The following ZNF804B variants were observed in gnomAD, a reference collection of about 807,000 sequenced individuals.
The protein encoded by ZNF804B is zinc finger protein 804B.
ZNF804B carries 80 observed loss-of-function variants against 101.4 expected under a neutral mutation model. That is an observed-to-expected ratio of 0.79 (90% CI 0.66 to 0.95). The LOEUF is 0.95. Among genes scored for constraint, ZNF804B ranks in the 40% least tolerant of loss-of-function variants. The probability of loss-of-function intolerance (pLI) is 0.00; values close to 1 mark genes in which losing one functional copy is unlikely to be tolerated. For missense variants in ZNF804B, 1,673 were observed against 1,561.9 expected, an observed-to-expected ratio of 1.07 and a Z score of -1.20; for synonymous variants, 622 against 558.8, an observed-to-expected ratio of 1.11 and a Z score of -1.59.
intron 3 of ZNF804B, among the ~76,000 whole-genome samples, chr7:89,332,492 T>C (rs1344211685): frequency 2.0e-5 from 3 of 151,204 alleles, no homozygotes; most frequent in Non-Finnish European, 4.4e-5. Context: ...ATAAGAAAAA[T>C]GATGTGATTT....
At chr7:88,966,681 T>A (rs992384503) in intron 1 of ZNF804B, among the ~76,000 whole-genome samples, 1 of 151,332 alleles carries the variant, frequency 6.6e-6, no homozygotes, top group Admixed American at 6.6e-5. Context: ...TTTTCCTGTC[T>A]GTATGTGAAG....
intron 1 of ZNF804B, among the ~76,000 whole-genome samples, chr7:89,015,029 A>G (rs1788524308): frequency 6.6e-6 from 1 of 152,148 alleles, no homozygotes; most frequent in South Asian, 2.1e-4. Flanking sequence ...TTTTTTGCAT[A>G]AAGTAAGAAA....
intron 2 of ZNF804B, among the ~76,000 whole-genome samples, chr7:89,287,945 C>T (rs1345183805): frequency 8.2e-6 from 1 of 122,334 alleles, no homozygotes; most frequent in Non-Finnish European, 1.8e-5. Flanking sequence ...AAAAAAAAAA[C>T]CACATACCAC....
At chr7:88,767,523 A>G (rs1023210592) in intron 1 of ZNF804B, among the ~76,000 whole-genome samples, 1 of 152,250 alleles carries the variant, frequency 6.6e-6, no homozygotes, top group African/African-American at 2.4e-5. Flanking sequence ...AATAAATGCC[A>G]TATTCCAAAC....
chr7:88,867,199 G>C (rs1350273442), intron 1 of ZNF804B, among the ~76,000 whole-genome samples: 1 of 152,132 alleles, frequency 6.6e-6, no homozygotes, highest in Admixed American at 6.5e-5. Flanking sequence ...ATATATGAGA[G>C]AGGCGATTTT....
chr7:89,107,727 T>C (rs1373616369), intron 1 of ZNF804B, among the ~76,000 whole-genome samples: 1 of 152,138 alleles, frequency 6.6e-6, no homozygotes, highest in Non-Finnish European at 1.5e-5. Context: ...TCCTTGAAAG[T>C]GTTTATAGAA....
At position 89,081,235 on chromosome 7, in the gene ZNF804B, AAAT is replaced by A. The variant is rs984974559; in HGVS notation, c.109-136913_109-136911del. 1.4e-4 allele frequency among the ~76,000 whole-genome samples: 21 copies of A among 151,842 alleles called. 1 individual carries two copies. Among genetic ancestry groups the A allele is most frequent in the African/African-American group, 4.8e-5 (2 of 41,394 alleles). ...ACTTATTCAGTGCCAGGAATATAGA[AAAT>A]AATAATTAGAATTGAAGGCAGAACT... On this transcript the variant is annotated intron_variant, in intron 1 of 3. Transcript: ENST00000333190.
chr7:89,074,018 A>G (rs1789580421), intron 1 of ZNF804B, among the ~76,000 whole-genome samples: 1 of 152,142 alleles, frequency 6.6e-6, no homozygotes, highest in African/African-American at 2.4e-5. Context: ...GTACCAGTTT[A>G]TAGAGGATGG....
chr7:89,174,956 G>A (rs1428714891), intron 1 of ZNF804B, among the ~76,000 whole-genome samples: 1 of 151,848 alleles, frequency 6.6e-6, no homozygotes, highest in Admixed American at 6.6e-5. Context: ...TTTTTCTATT[G>A]AGTTGTTTGA....
chr7:89,292,364 A>G (rs1562938793), intron 2 of ZNF804B, among the ~76,000 whole-genome samples: 2 of 152,134 alleles, frequency 1.3e-5, no homozygotes. Context: ...ACATAGTACA[A>G]TAAGATATAA....
chr7:89,117,922 A>G (rs919710832), intron 1 of ZNF804B, among the ~76,000 whole-genome samples: 1 of 152,126 alleles, frequency 6.6e-6, no homozygotes, highest in African/African-American at 2.4e-5. Flanking sequence ...TTTTTCAACT[A>G]CTGTTAAAAA....
chr7:89,099,604 G>A (rs1256903805), intron 1 of ZNF804B, among the ~76,000 whole-genome samples: 1 of 152,164 alleles, frequency 6.6e-6, no homozygotes, highest in Non-Finnish European at 1.5e-5. Flanking sequence ...TGTTGCAATT[G>A]ATAGGCATGG....
intron 1 of ZNF804B, among the ~76,000 whole-genome samples, chr7:88,764,136 T>G (rs1056953972): frequency 1.3e-5 from 2 of 152,178 alleles, no homozygotes; most frequent in Non-Finnish European, 2.9e-5. Flanking sequence ...TGATCTGAAA[T>G]AGCATCTCAA....
At chr7:89,311,542 C>A (rs1051164496) in intron 2 of ZNF804B, among the ~76,000 whole-genome samples, 1 of 152,112 alleles carries the variant, frequency 6.6e-6, no homozygotes, top group Admixed American at 6.5e-5. Flanking sequence ...ACATAATCTT[C>A]CATTACTGAA....
chr7:89,018,724 T>A (rs1788611436), intron 1 of ZNF804B, among the ~76,000 whole-genome samples: 1 of 152,082 alleles, frequency 6.6e-6, no homozygotes, highest in African/African-American at 2.4e-5. Flanking sequence ...GGTTCAATCT[T>A]GGTAGGTTGT....
chr7:89,078,640 A>ATTT (rs35025345), intron 1 of ZNF804B, among the ~76,000 whole-genome samples: 12 of 137,312 alleles, frequency 8.7e-5, no homozygotes, highest in African/African-American at 3.2e-4. Context: ...GTCTAACACG[A>ATTT]TTTTTTTTTT....
At chr7:89,028,969 T>A (rs1562864822) in intron 1 of ZNF804B, among the ~76,000 whole-genome samples, 1 of 152,224 alleles carries the variant, frequency 6.6e-6, no homozygotes, top group South Asian at 2.1e-4. Context: ...CCTACTAGCC[T>A]GCAAATTATT....
At chr7:89,049,385 C>T (rs1789161592) in intron 1 of ZNF804B, among the ~76,000 whole-genome samples, 1 of 152,142 alleles carries the variant, frequency 6.6e-6, no homozygotes, top group South Asian at 2.1e-4. Flanking sequence ...AGTTGGCCTG[C>T]ATGGGTTTGC....
chr7:89,315,011 G>T (rs925592344), intron 2 of ZNF804B, among the ~76,000 whole-genome samples: 2 of 152,154 alleles, frequency 1.3e-5, no homozygotes, highest in African/African-American at 4.8e-5. Context: ...ATAAAGAAAA[G>T]AGGTTTAATT....
Sources: gnomAD v4.1 joint callset for allele counts (sites outside exome capture counted in the v4.1 genomes callset) on GRCh38, gnomAD v4.1.1 for gene constraint, MANE v1.5 for transcripts, NCBI Gene and HGNC (gene_info 2026-07-23, HGNC 2026-07-21) for gene names.